ZFP64: variants seen among roughly 807,000 people sequenced by gnomAD.
ZFP64 encodes zinc finger protein 64.
In ZFP64, 14 loss-of-function variants were observed where a neutral mutation model predicts 51.6. The observed-to-expected ratio is 0.27, with a 90% CI of 0.18 to 0.42. ZFP64 has a LOEUF of 0.42. ZFP64 is among the 10% of genes least tolerant of loss of function. The probability of loss-of-function intolerance (pLI) is 1.00; values close to 1 mark genes in which losing one functional copy is unlikely to be tolerated. For synonymous variants in ZFP64, 375 were observed against 361.4 expected (o/e 1.04, Z -0.43); for missense variants, 754 against 906.8 (o/e 0.83, Z 2.16).
At chr20:52,129,322 A>AT (rs1600733451) in intron 5 of ZFP64, among the ~76,000 whole-genome samples, 2 of 149,500 alleles carry the variant, frequency 1.3e-5, no homozygotes, top group African/African-American at 4.9e-5. Context: ...CCAGGGTGGA[A>AT]TTTTTTTGTA....
chr20:52,110,190 C>T (rs6021705), intron 5 of ZFP64, among the ~76,000 whole-genome samples: 1 of 152,138 alleles, frequency 6.6e-6, no homozygotes, highest in Non-Finnish European at 1.5e-5. Flanking sequence ...ATGGCTACAT[C>T]GGCATCAACG....
At chr20:52,132,249 A>G (rs539973514) in intron 5 of ZFP64, among the ~76,000 whole-genome samples, 36 of 152,264 alleles carry the variant, frequency 2.4e-4, no homozygotes, top group African/African-American at 8.4e-4. Context: ...TATAACTATA[A>G]GAGTTTACAT....
exon 9 of ZFP64, chr20:52,084,266 T>A (rs1305194876): frequency 5.0e-6 from 2 of 397,230 alleles, no homozygotes; most frequent in Non-Finnish European, 9.0e-6. Context: ...ACGTAGAAGC[T>A]ATCCCCATTG....
In ZFP64 at chr20:52,191,751, C is replaced by A; in HGVS notation, c.-115G>T. The A allele has an allele frequency of 1.6e-6, 2 of 1,288,252 alleles. No individual in the cohort carries two copies. The highest frequency in any genetic ancestry group is 2.0e-6 in the Non-Finnish European group (2 of 977,470). 79.8% of individuals were successfully genotyped at this position (1,288,252 alleles called of 1,614,324 possible). A position where few individuals can be genotyped will look rare whatever the true frequency, so the allele number is the denominator to read the frequency against. Reference sequence around the variant, plus strand: ...CCACACCCCCCACCCTGCCTTCTCCCAACTCTGCGAGGCGGGGAGGACGGA... The same window carrying A: ...CCACACCCCCCACCCTGCCTTCTCCAAACTCTGCGAGGCGGGGAGGACGGA... On this transcript the variant is annotated 5_prime_UTR_variant, in exon 1 of 6. Transcript: ENST00000216923. The surrounding 1 kb of genome is among the most constrained non-coding windows in gnomAD (Gnocchi z 4.3).
At chr20:52,098,721 T>C (rs2079019006) in intron 5 of ZFP64, 1 of 1,217,528 alleles carries the variant, frequency 8.2e-7, no homozygotes, top group East Asian at 2.6e-5. Context: ...GAAAGCCATG[T>C]GACCAGGCGG....
At chr20:52,163,603 G>A (rs1982005453) in intron 4 of ZFP64, among the ~76,000 whole-genome samples, 1 of 152,188 alleles carries the variant, frequency 6.6e-6, no homozygotes, top group African/African-American at 2.4e-5. Context: ...AGTGCAATAA[G>A]GCACTTATTG....
chr20:52,099,184 T>A (rs1335899527), intron 5 of ZFP64, among the ~76,000 whole-genome samples: 1 of 152,152 alleles, frequency 6.6e-6, no homozygotes, highest in Non-Finnish European at 1.5e-5. Flanking sequence ...TAGTTTTTTC[T>A]AACAATTTCT....
intron 7 of ZFP64, among the ~76,000 whole-genome samples, chr20:52,096,182 G>A (rs973980714): frequency 6.6e-6 from 1 of 152,186 alleles, no homozygotes; most frequent in African/African-American, 2.4e-5. Context: ...CTGGCCATGT[G>A]TTGCCCCGCT....
In ZFP64 at chr20:52,085,369, T is replaced by C. The variant is rs2078853562; in HGVS notation, c.1229-103A>G. 7.9e-7 allele frequency: 1 copy of C among 1,271,108 alleles called. No individual in the cohort carries two copies. Among genetic ancestry groups the C allele is most frequent in the African/African-American group, 1.5e-5 (1 of 66,454 alleles). 78.7% of individuals were successfully genotyped at this position (1,271,108 alleles called of 1,614,324 possible). ...TGGCCGCCATGAGATGGTTGGGTTT[T>C]GTGAACTCTAAACCCAACCTCCTAA... On this transcript the variant is annotated intron_variant, in intron 8 of 8. Coordinates refer to the ZFP64 transcript ENST00000361387. This position sits in a 1 kb window ranked among gnomAD's most constrained non-coding sequence, Gnocchi z 4.3.
chr20:52,102,526 C>A (rs2079064182), intron 5 of ZFP64, among the ~76,000 whole-genome samples: 1 of 152,156 alleles, frequency 6.6e-6, no homozygotes, highest in African/African-American at 2.4e-5. Context: ...CATCCTATGT[C>A]CCTCAGGGAC....
At chr20:52,127,830 A>G (rs1183451926) in intron 5 of ZFP64, among the ~76,000 whole-genome samples, 2 of 152,218 alleles carry the variant, frequency 1.3e-5, no homozygotes, top group African/African-American at 4.8e-5. Context: ...GATATTGAAC[A>G]CTGTCTACAG....
At chr20:52,142,839 CAAAAAA>C (rs386393987) in intron 5 of ZFP64, among the ~76,000 whole-genome samples, 1 of 55,046 alleles carries the variant, frequency 1.8e-5, no homozygotes, top group Non-Finnish European at 3.6e-5. Context: ...GACTCCATCT[CAAAAAA>C]AAAAAAAAAA....
chr20:52,114,815 T>C (rs1298897676), intron 5 of ZFP64, among the ~76,000 whole-genome samples: 1 of 152,166 alleles, frequency 6.6e-6, no homozygotes, highest in Non-Finnish European at 1.5e-5. Context: ...TTGCAAGTCA[T>C]TGTTGTAGCA....
chr20:52,109,327 CTAATTTT>C (rs1978424734), intron 5 of ZFP64, among the ~76,000 whole-genome samples: 1 of 152,036 alleles, frequency 6.6e-6, no homozygotes, highest in Non-Finnish European at 1.5e-5. Context: ...CCATGCCTGG[CTAATTTT>C]TGTATTTTTA....
intron 5 of ZFP64, among the ~76,000 whole-genome samples, chr20:52,128,241 C>CA (rs1373745286): frequency 2.0e-5 from 3 of 152,130 alleles, no homozygotes; most frequent in African/African-American, 7.2e-5. Context: ...GAGTTTGAGA[C>CA]CAGCCTGGGC....
intron 7 of ZFP64, chr20:52,096,952 A>G: frequency 2.2e-6 from 1 of 462,990 alleles, no homozygotes; most frequent in Non-Finnish European, 4.4e-6. Context: ...TCCCTGTAAC[A>G]ACTACCTCTT....
chr20:52,186,642 G>T (rs1983986737), intron 2 of ZFP64, among the ~76,000 whole-genome samples, 190 bp downstream of exon 2: 1 of 151,582 alleles, frequency 6.6e-6, no homozygotes, highest in East Asian at 1.9e-4. Context: ...ACTGCTAACA[G>T]TTAATGTTTT....
At chr20:52,139,211 C>T (rs538362322) in intron 5 of ZFP64, among the ~76,000 whole-genome samples, 13 of 152,280 alleles carry the variant, frequency 8.5e-5, no homozygotes, top group East Asian at 1.9e-4. Flanking sequence ...TGCACGCATA[C>T]GTTCATCGCA....
intron 5 of ZFP64, among the ~76,000 whole-genome samples, chr20:52,098,744 C>T (rs2079019386): frequency 6.6e-6 from 1 of 152,004 alleles, no homozygotes; most frequent in Admixed American, 6.6e-5. Flanking sequence ...TGGCTCATGC[C>T]TGTAATCCCA....
Sources: gnomAD v4.1 joint callset for allele counts (sites outside exome capture counted in the v4.1 genomes callset) on GRCh38, gnomAD v4.1.1 for gene constraint, Gnocchi (gnomAD v3.1) non-coding constraint, MANE v1.5 for transcripts, NCBI Gene and HGNC (gene_info 2026-07-23, HGNC 2026-07-21) for gene names.